The following FREM3 variants were observed in gnomAD, a reference collection of about 807,000 sequenced individuals.
FREM3 encodes the protein FRAS1-related extracellular matrix protein 3.
FREM3 carries 105 observed loss-of-function variants against 129.1 expected under a neutral mutation model. The ratio of observed to expected loss-of-function variants is 0.81; its 90% CI spans 0.69 to 0.96. FREM3 has a LOEUF of 0.96. Ranked by LOEUF, FREM3 falls within the 40% of genes least tolerant of loss-of-function variation. The pLI, the probability that FREM3 is intolerant of heterozygous loss-of-function variation, is 0.00. For synonymous variants in FREM3, 1,014 were observed against 1,044.9 expected, an observed-to-expected ratio of 0.97 and a Z score of 0.57; for missense variants, 2,593 against 2,666.3, an observed-to-expected ratio of 0.97 and a Z score of 0.61.
intron 2 of FREM3, among the ~76,000 whole-genome samples, chr4:143,676,007 T>C (rs575179954): frequency 6.6e-6 from 1 of 152,212 alleles, no homozygotes; most frequent in Admixed American, 6.5e-5. Context: ...TTCCAATCAA[T>C]AGAAAAAGAG....
Position 143,697,890 on chromosome 4 carries a change from G to C in FREM3, c.2786C>G (p.Thr929Ser). Residue 929 changes from threonine to serine, a missense_variant, in exon 1 of 8, where the codon ACC becomes AGC. This residue lies in a region of FREM3 where 2,276 missense variants were observed against 2,267.2 expected (regional missense o/e 1.00). Transcript: ENST00000329798. ...ATTGGGATGCACAGAAATTGGGATGGTGATGGGTATATGGTGCACCCCATC... is the reference window on the plus strand; with the variant it reads ...ATTGGGATGCACAGAAATTGGGATGCTGATGGGTATATGGTGCACCCCATC... ...VSDGVHHIPI[T>S]IPISVHPNVA... is the part of the protein sequence containing the mutation. 6.5e-7 allele frequency: 1 copy of C among 1,537,892 alleles called. No homozygotes were observed. The highest frequency in any genetic ancestry group is 8.7e-7 in the Non-Finnish European group (1 of 1,147,066).
intron 6 of FREM3, among the ~76,000 whole-genome samples, chr4:143,589,542 G>T (rs1381903758): frequency 6.6e-6 from 1 of 152,160 alleles, no homozygotes; most frequent in Non-Finnish European, 1.5e-5. Flanking sequence ...GCAAAGATCA[G>T]ATAGTTGTAG....
chr4:143,582,751 C>A (rs543955554), intron 7 of FREM3, among the ~76,000 whole-genome samples: 1 of 151,814 alleles, frequency 6.6e-6, no homozygotes, highest in South Asian at 2.1e-4. Context: ...CAAAACCAAT[C>A]CAAGGAATCT....
chr4:143,678,709 G>T (rs1324534114), intron 2 of FREM3, among the ~76,000 whole-genome samples: 1 of 151,994 alleles, frequency 6.6e-6, no homozygotes, highest in Non-Finnish European at 1.5e-5. Context: ...AAGATTAAAA[G>T]TTCAAAACAA....
At chr4:143,636,235 A>G (rs184881047) in intron 2 of FREM3, among the ~76,000 whole-genome samples, 195 of 149,200 alleles carry the variant, frequency 1.3e-3, no homozygotes, top group African/African-American at 4.3e-3. Context: ...AAAGGAAAAC[A>G]TATAACCTCA....
chr4:143,690,655 C>G (rs138934459), intron 2 of FREM3, among the ~76,000 whole-genome samples: 185 of 152,132 alleles, frequency 1.2e-3, no homozygotes, highest in African/African-American at 4.1e-3. Context: ...TTTCAACATT[C>G]CATTTGGGAA....
intron 5 of FREM3, among the ~76,000 whole-genome samples, chr4:143,616,182 T>C (rs940892070): frequency 3.3e-5 from 5 of 152,210 alleles, no homozygotes; most frequent in Admixed American, 2.0e-4. Context: ...ATAATAACTT[T>C]AAAATGCTAG....
At chr4:143,680,852 A>G (rs1740236265) in intron 2 of FREM3, among the ~76,000 whole-genome samples, 1 of 152,134 alleles carries the variant, frequency 6.6e-6, no homozygotes, top group Non-Finnish European at 1.5e-5. Context: ...GGTTGGTTCT[A>G]TCACTGTCAC....
chr4:143,672,315 GC>G (rs1472988816), intron 2 of FREM3, among the ~76,000 whole-genome samples: 1 of 152,196 alleles, frequency 6.6e-6, no homozygotes, highest in Non-Finnish European at 1.5e-5. Context: ...ACATCGACCA[GC>G]AAGAGACTTT....
intron 2 of FREM3, among the ~76,000 whole-genome samples, chr4:143,662,227 G>A (rs2149852694): frequency 6.6e-6 from 1 of 152,246 alleles, no homozygotes; most frequent in East Asian, 1.9e-4. Flanking sequence ...TGGGCATTTA[G>A]TGCTACAAAT....
intron 2 of FREM3, among the ~76,000 whole-genome samples, chr4:143,635,307 A>G (rs1257494982): frequency 2.0e-5 from 3 of 151,944 alleles, no homozygotes; most frequent in Non-Finnish European, 4.4e-5. Context: ...AGCTTGAAGC[A>G]TAAGTATAAT....
At chr4:143,588,576 T>G (rs4443233) in intron 6 of FREM3, among the ~76,000 whole-genome samples, 2 of 151,858 alleles carry the variant, frequency 1.3e-5, no homozygotes, top group African/African-American at 4.8e-5. Flanking sequence ...CATGAACTCA[T>G]CATTTTTTAT....
In FREM3 at chr4:143,696,201, G is replaced by A. The variant is rs1487959073; in HGVS notation, c.4475C>T (p.Ala1492Val). The A allele has an allele frequency of 5.2e-6, 8 of 1,537,694 alleles. No homozygotes were observed. The highest frequency in any genetic ancestry group is 7.0e-6 in the Non-Finnish European group (8 of 1,147,050). Reference sequence around the variant, plus strand: ...ATGGACATAGGATATTTTGTTGCTAGCCAATTGAAGTTGAGTGAAAGAGGC... The same window carrying A: ...ATGGACATAGGATATTTTGTTGCTAACCAATTGAAGTTGAGTGAAAGAGGC... ...PIASFTQLQL[A>V]SNKISYVHTS... The change falls in exon 1 of 8, where the codon GCT (alanine) becomes GTT (valine). Residue 1492 changes from alanine to valine, a missense_variant. Ala to Val is a moderately conservative substitution (Grantham distance 64). This residue lies in a region of FREM3 where 2,276 missense variants were observed against 2,267.2 expected (regional missense o/e 1.00). Coordinates refer to ENST00000329798, the MANE Select transcript of FREM3 (RefSeq NM_001168235.2).
At chr4:143,693,817 T>C (rs921257355) in intron 1 of FREM3, among the ~76,000 whole-genome samples, 5 of 152,176 alleles carry the variant, frequency 3.3e-5, no homozygotes, top group Non-Finnish European at 7.3e-5. Context: ...TTGTTGTTTT[T>C]TCAGGGACAT....
chr4:143,664,039 T>C (rs1395878863), intron 2 of FREM3, among the ~76,000 whole-genome samples: 1 of 152,184 alleles, frequency 6.6e-6, no homozygotes, highest in Non-Finnish European at 1.5e-5. Context: ...AATTTCCTCC[T>C]GTAGTTCGGA....
chr4:143,686,174 A>T (rs2149860749), intron 2 of FREM3, among the ~76,000 whole-genome samples: 1 of 152,272 alleles, frequency 6.6e-6, no homozygotes, highest in South Asian at 2.1e-4. Flanking sequence ...GGAGTAGCTA[A>T]TTCTTATATG....
At chr4:143,622,834 C>T (rs190589405) in intron 4 of FREM3, among the ~76,000 whole-genome samples, 57 of 152,292 alleles carry the variant, frequency 3.7e-4, no homozygotes, top group Admixed American at 1.6e-3. Flanking sequence ...TCAGCTCAAA[C>T]CCTGCCTCTT....
intron 5 of FREM3, among the ~76,000 whole-genome samples, chr4:143,613,707 A>G (rs1369332225): frequency 1.3e-5 from 2 of 152,236 alleles, no homozygotes; most frequent in Admixed American, 6.5e-5. Flanking sequence ...TGGAGAACAC[A>G]GTTCTCAATT....
At chr4:143,670,232 G>A (rs568149074) in intron 2 of FREM3, among the ~76,000 whole-genome samples, 4 of 152,180 alleles carry the variant, frequency 2.6e-5, no homozygotes, top group South Asian at 2.1e-4. Flanking sequence ...AGTAAATGCC[G>A]AACTTGAATT....
Sources: gnomAD v4.1 joint callset for allele counts (sites outside exome capture counted in the v4.1 genomes callset) on GRCh38, gnomAD v4.1.1 for gene constraint, gnomAD v4.1.1 regional missense constraint, MANE v1.5 for transcripts, NCBI Gene and HGNC (gene_info 2026-07-23, HGNC 2026-07-21) for gene names.